Variants in SOX6 observed in about 807,000 individuals in gnomAD.
SOX6 encodes the protein transcription factor SOX-6.
SOX6 carries 11 observed loss-of-function variants against 97.8 expected under a neutral mutation model. That is an observed-to-expected ratio of 0.11 (90% CI 0.07 to 0.19). The LOEUF (loss-of-function observed/expected upper bound fraction) is 0.19. Ranked by LOEUF, SOX6 falls within the 10% of genes least tolerant of loss-of-function variation. SOX6 has a pLI of 1.00. For missense variants in SOX6, 810 were observed against 1,039.5 expected (o/e 0.78, Z 3.04); for synonymous variants, 360 against 371.4 (o/e 0.97, Z 0.35).
intron 3 of SOX6, among the ~76,000 whole-genome samples, chr11:16,631,060 AG>A (rs1848700376): frequency 6.6e-6 from 1 of 151,304 alleles, no homozygotes; most frequent in Admixed American, 6.8e-5. Flanking sequence ...GTGCCTTTTA[AG>A]TGGGGGGTTT....
chr11:16,630,489 A>T (rs1848690011), intron 3 of SOX6, among the ~76,000 whole-genome samples: 1 of 151,008 alleles, frequency 6.6e-6, no homozygotes, highest in Non-Finnish European at 1.5e-5. Context: ...TAATTTATTG[A>T]GACTTGCTTT....
Position 16,547,397 on chromosome 11 carries a change from T to C in SOX6, n.609+64684A>G, listed in dbSNP as rs571543616. On this transcript the variant is annotated intron_variant and non_coding_transcript_variant, in intron 4 of 5. Transcript: ENST00000524520. The stretch of plus-strand genomic sequence containing the variant: ...CAATGGAAGAAAAGATAAAGAAATA[T>C]ATATATACAAACATATATAAAAGTA... Among the ~76,000 whole-genome samples the C allele has an allele frequency of 1.6e-4, 24 of 151,974 alleles. 1 individual carries two copies. The highest frequency in any genetic ancestry group is 9.2e-4 in the Admixed American group (14 of 15,256).
chr11:16,507,652 C>G (rs1338536171), intron 4 of SOX6, among the ~76,000 whole-genome samples: 7 of 152,084 alleles, frequency 4.6e-5, no homozygotes, highest in Admixed American at 4.6e-4. Flanking sequence ...GTGCCAAGAA[C>G]ATACATTGGG....
At chr11:15,986,073 T>G in intron 15 of SOX6, 131 bp downstream of exon 15, 1 of 899,714 alleles carries the variant, frequency 1.1e-6, no homozygotes, top group Non-Finnish European at 1.9e-6. Context: ...AAGATTCTCA[T>G]GGCCAAGCCC....
chr11:16,273,667 GA>G (rs1157425214), intron 3 of SOX6, among the ~76,000 whole-genome samples: 2 of 151,424 alleles, frequency 1.3e-5, no homozygotes, highest in African/African-American at 2.4e-5. Flanking sequence ...AATCCTGGAA[GA>G]AAAAAAACAT....
Position 16,234,042 on chromosome 11 carries a change from G to T in SOX6, c.535+540C>A, listed in dbSNP as rs190875144. On this transcript the variant is annotated intron_variant, in intron 4 of 15. Coordinates refer to ENST00000683767, the MANE Select transcript of SOX6 (RefSeq NM_001367873.1). The stretch of plus-strand genomic sequence containing the variant: ...AAAAAGAAAAGAAAAGAAAGAAAAA[G>T]AAAAAAAGAAAACTTCAGTGGCTTG... Among the ~76,000 whole-genome samples the T allele has an allele frequency of 5.2e-3, 773 of 148,288 alleles. 7 individuals carry two copies. The highest frequency in any genetic ancestry group is 0.021 in the Middle Eastern group (6 of 282).
intron 4 of SOX6, among the ~76,000 whole-genome samples, chr11:16,210,675 C>A (rs1049783543): frequency 1.6e-4 from 25 of 152,154 alleles, no homozygotes; most frequent in Admixed American, 5.9e-4. Context: ...AGCAACTACT[C>A]CAAACAGCCT....
chr11:16,371,166 C>A (rs1857485603), intron 1 of SOX6, among the ~76,000 whole-genome samples: 1 of 152,118 alleles, frequency 6.6e-6, no homozygotes, highest in Non-Finnish European at 1.5e-5. Context: ...TCATTTGTCT[C>A]CAGCCACTCT....
intron 1 of SOX6, among the ~76,000 whole-genome samples, chr11:16,430,657 G>A (rs1157663130): frequency 6.6e-6 from 1 of 152,108 alleles, no homozygotes; most frequent in African/African-American, 2.4e-5. Context: ...ATCAGCCAGT[G>A]CCTTAATTTT....
chr11:16,422,452 T>C (rs565156066), intron 1 of SOX6, among the ~76,000 whole-genome samples: 6 of 152,326 alleles, frequency 3.9e-5, no homozygotes, highest in African/African-American at 1.2e-4. Flanking sequence ...CAGGTACTAC[T>C]GAAGCAAAGA....
intron 15 of SOX6, among the ~76,000 whole-genome samples, chr11:15,985,423 C>T (rs1590109094): frequency 6.6e-6 from 1 of 152,118 alleles, no homozygotes; most frequent in East Asian, 1.9e-4. Flanking sequence ...TGCTTCAGGT[C>T]TGTGCCTCAA....
chr11:16,414,259 G>A (rs952995046), intron 1 of SOX6, among the ~76,000 whole-genome samples: 1 of 152,076 alleles, frequency 6.6e-6, no homozygotes, highest in African/African-American at 2.4e-5. Flanking sequence ...CAGGTCGCAG[G>A]ATAAATAATA....
At chr11:16,547,534 G>T (rs1847635505) in intron 4 of SOX6, among the ~76,000 whole-genome samples, 1 of 152,010 alleles carries the variant, frequency 6.6e-6, no homozygotes, top group Non-Finnish European at 1.5e-5. Flanking sequence ...AGTGAAATAG[G>T]CCAGGCACAG....
intron 4 of SOX6, among the ~76,000 whole-genome samples, chr11:16,583,473 TCTA>T (rs558063104): frequency 3.8e-4 from 58 of 151,330 alleles, no homozygotes; most frequent in African/African-American, 1.4e-3. Flanking sequence ...TAACCACTAT[TCTA>T]CTGTCTACTT....
intron 4 of SOX6, among the ~76,000 whole-genome samples, chr11:16,583,592 T>C (rs1452362137): frequency 6.3e-5 from 4 of 63,014 alleles, no homozygotes; most frequent in Non-Finnish European, 8.4e-5. Context: ...TATATATATA[T>C]GTATATATGT....
intron 3 of SOX6, among the ~76,000 whole-genome samples, chr11:16,692,681 T>C (rs1408356058): frequency 6.6e-6 from 1 of 152,102 alleles, no homozygotes; most frequent in Non-Finnish European, 1.5e-5. Context: ...CCCCAAAAGG[T>C]GTTTTGGTGA....
At chr11:16,319,020 G>C (rs1195711644) in intron 2 of SOX6, among the ~76,000 whole-genome samples, 1 of 152,038 alleles carries the variant, frequency 6.6e-6, no homozygotes, top group East Asian at 1.9e-4. Context: ...ATTAGGCTTG[G>C]TAAAGTTTTT....
intron 2 of SOX6, among the ~76,000 whole-genome samples, chr11:16,330,005 C>A (rs1322930116): frequency 2.0e-5 from 3 of 152,128 alleles, no homozygotes; most frequent in Non-Finnish European, 4.4e-5. Context: ...CTTTTTCCTT[C>A]ATTTCTTCTT....
chr11:16,013,912 G>A (rs754586059), intron 13 of SOX6, among the ~76,000 whole-genome samples: 3 of 152,086 alleles, frequency 2.0e-5, no homozygotes, highest in South Asian at 2.1e-4. Context: ...ATGTGTTTTC[G>A]AGGGATTTTA....
Sources: gnomAD v4.1 joint callset for allele counts (sites outside exome capture counted in the v4.1 genomes callset) on GRCh38, gnomAD v4.1.1 for gene constraint, MANE v1.5 for transcripts, NCBI Gene and HGNC (gene_info 2026-07-23, HGNC 2026-07-21) for gene names.